CNTNAP5: variants seen among roughly 807,000 people sequenced by gnomAD.
The protein encoded by CNTNAP5 is contactin-associated protein-like 5.
In CNTNAP5, 72 loss-of-function variants were observed where a neutral mutation model predicts 150.2. The observed-to-expected ratio is 0.48, with a 90% confidence interval of 0.40 to 0.58. The LOEUF is 0.58. CNTNAP5 is among the 20% of genes least tolerant of loss of function. The probability of loss-of-function intolerance (pLI) is 0.00; values close to 1 mark genes in which losing one functional copy is unlikely to be tolerated. For synonymous variants in CNTNAP5, 672 were observed against 619.8 expected, an observed-to-expected ratio of 1.08 and a Z score of -1.25; for missense variants, 1,636 against 1,626.2, an observed-to-expected ratio of 1.01 and a Z score of -0.10.
intron 12 of CNTNAP5, among the ~76,000 whole-genome samples, chr2:124,626,511 G>A (rs1677725973): frequency 1.3e-5 from 2 of 152,062 alleles, no homozygotes; most frequent in Non-Finnish European, 2.9e-5. Context: ...AAATGGTGAG[G>A]GACTGTGCTA....
chr2:124,057,949 A>G (rs1392991610), intron 1 of CNTNAP5, among the ~76,000 whole-genome samples: 1 of 152,146 alleles, frequency 6.6e-6, no homozygotes. Flanking sequence ...ACCCGTAAAT[A>G]TATACACCTA....
At chr2:124,764,439 A>G (rs1681025849) in intron 16 of CNTNAP5, among the ~76,000 whole-genome samples, 1 of 152,158 alleles carries the variant, frequency 6.6e-6, no homozygotes, top group Admixed American at 6.6e-5. Context: ...CTTCCACACT[A>G]CAGGACTTTA....
At chr2:124,446,499 T>C (rs971628355) in intron 5 of CNTNAP5, among the ~76,000 whole-genome samples, 1 of 152,136 alleles carries the variant, frequency 6.6e-6, no homozygotes, top group Non-Finnish European at 1.5e-5. Flanking sequence ...ATAGTTCCTT[T>C]CATTATTTAA....
chr2:124,430,618 A>G (rs1422881000), intron 4 of CNTNAP5, among the ~76,000 whole-genome samples: 1 of 152,210 alleles, frequency 6.6e-6, no homozygotes, highest in Non-Finnish European at 1.5e-5. Context: ...TCAATGAAAT[A>G]CTTTAGCAAT....
At chr2:124,518,305 G>A (rs556639227) in intron 8 of CNTNAP5, among the ~76,000 whole-genome samples, 1 of 152,116 alleles carries the variant, frequency 6.6e-6, no homozygotes, top group Non-Finnish European at 1.5e-5. Flanking sequence ...TATCTAGAAA[G>A]ATATATCAAA....
intron 3 of CNTNAP5, among the ~76,000 whole-genome samples, chr2:124,297,848 TA>T (rs1688479705): frequency 6.9e-6 from 1 of 145,126 alleles, no homozygotes; most frequent in Non-Finnish European, 1.5e-5. Flanking sequence ...TTATTATTAT[TA>T]TTATTATTAT....
At chr2:124,610,009 G>A in intron 12 of CNTNAP5, 89 bp downstream of exon 12, 1 of 1,431,614 alleles carries the variant, frequency 7.0e-7, no homozygotes, top group East Asian at 2.4e-5. Context: ...ATACCTACGT[G>A]AATAAAAATT....
rs549508674 is a variant in CNTNAP5 at position 124,860,207 on chromosome 2, G to A, written c.3218-5099G>A. Among the ~76,000 whole-genome samples the A allele has an allele frequency of 1.1e-4, 17 of 151,894 alleles. No individual in the cohort carries two copies. The East Asian group carries it at 1.6e-3, about 14-fold the overall frequency. ...CTACTAAAAATACAAAAAAATAGCC[G>A]TGCATGGTGGTGGGCGCCTGTAGTC... On this transcript the variant is annotated intron_variant, in intron 19 of 23. Transcript: ENST00000682447.
intron 13 of CNTNAP5, among the ~76,000 whole-genome samples, chr2:124,675,103 A>C (rs1047569005): frequency 2.0e-5 from 3 of 152,032 alleles, no homozygotes; most frequent in African/African-American, 7.2e-5. Context: ...TTTTTTGTGC[A>C]TATGTCTCAT....
At chr2:124,793,336 T>A (rs1681777918) in intron 18 of CNTNAP5, among the ~76,000 whole-genome samples, 1 of 152,194 alleles carries the variant, frequency 6.6e-6, no homozygotes, top group Non-Finnish European at 1.5e-5. Context: ...ATACATAAAT[T>A]TTTTGGAGAA....
intron 20 of CNTNAP5, among the ~76,000 whole-genome samples, chr2:124,867,240 A>G (rs1432041696): frequency 1.3e-5 from 2 of 152,226 alleles, no homozygotes; most frequent in African/African-American, 2.4e-5. Flanking sequence ...ACAAGCCAGC[A>G]TATCTCTGGG....
rs779604793 is a variant in CNTNAP5, at chr2:124,609,808, C to T, written c.1764C>T (p.Tyr588=). 12 of 1,613,494 alleles carry T rather than the reference C, an allele frequency of 7.4e-6. No individual in the cohort carries two copies. Among genetic ancestry groups the T allele is most frequent in the Admixed American group, 1.7e-5 (1 of 59,980 alleles). Residue 588 remains tyrosine, a synonymous_variant, in exon 12 of 24, where the codon TAC becomes TAT. Coordinates refer to ENST00000682447, the MANE Select transcript of CNTNAP5 (RefSeq NM_001367498.1). ...CTGCCTTTGTCTTTCCAGCCATCTA[C>T]GAGCAATCCTGCGAGGTGTACAGGC... The part of the protein sequence containing the change: ...YTGATCHNSI[Y]EQSCEVYRHQ...
chr2:124,099,648 T>G (rs567837542), intron 1 of CNTNAP5, among the ~76,000 whole-genome samples: 1 of 151,942 alleles, frequency 6.6e-6, no homozygotes, highest in South Asian at 2.1e-4. Flanking sequence ...AGAAAAGAGG[T>G]TTGATTGGCT....
intron 13 of CNTNAP5, among the ~76,000 whole-genome samples, chr2:124,672,657 T>G (rs956279461): frequency 6.6e-6 from 1 of 152,056 alleles, no homozygotes; most frequent in Non-Finnish European, 1.5e-5. Flanking sequence ...AAACTGAAAT[T>G]TAAAGGAGAA....
intron 3 of CNTNAP5, among the ~76,000 whole-genome samples, chr2:124,338,274 G>T (rs181017837): frequency 2.0e-5 from 3 of 152,218 alleles, no homozygotes; most frequent in East Asian, 3.9e-4. Context: ...GGGCTGAGAC[G>T]ATGGCATTTT....
chr2:124,861,887 C>T lies in CNTNAP5; in HGVS notation c.3218-3419C>T, dbSNP rs569643736. Among the ~76,000 whole-genome samples the T allele has an allele frequency of 9.2e-5, 14 of 152,310 alleles. No homozygotes were observed. The East Asian group carries it at 2.7e-3, about 29-fold the overall frequency. ...GGAGTGCAGTGGCACAATCTCCACT[C>T]ACTGCAACCTCTACCTCCCAGGTTG... On this transcript the variant is annotated intron_variant, in intron 19 of 23. Coordinates refer to ENST00000682447, the MANE Select transcript of CNTNAP5 (RefSeq NM_001367498.1).
At chr2:124,498,635 C>A (rs763103236) in intron 7 of CNTNAP5, among the ~76,000 whole-genome samples, 4 of 152,148 alleles carry the variant, frequency 2.6e-5, no homozygotes, top group Non-Finnish European at 4.4e-5. Flanking sequence ...AATATATCAT[C>A]TTTTGCTCAC....
At chr2:124,803,275 T>A (rs947863290) in intron 19 of CNTNAP5, among the ~76,000 whole-genome samples, 1 of 152,122 alleles carries the variant, frequency 6.6e-6, no homozygotes, top group Admixed American at 6.5e-5. Flanking sequence ...GGGTGATGCT[T>A]GAGTTGGTCA....
intron 13 of CNTNAP5, among the ~76,000 whole-genome samples, chr2:124,726,039 C>T (rs550855830): frequency 1.3e-5 from 2 of 151,386 alleles, no homozygotes; most frequent in African/African-American, 4.9e-5. Context: ...TTTTGTGGAA[C>T]CTCCATACTG....
Sources: gnomAD v4.1 joint callset for allele counts (sites outside exome capture counted in the v4.1 genomes callset) on GRCh38, gnomAD v4.1.1 for gene constraint, MANE v1.5 for transcripts, NCBI Gene and HGNC (gene_info 2026-07-23, HGNC 2026-07-21) for gene names.